The following BCAR3 variants were observed in gnomAD, a reference collection of about 807,000 sequenced individuals.
The protein encoded by BCAR3 is breast cancer anti-estrogen resistance protein 3.
In BCAR3, 37 loss-of-function variants were observed where a neutral mutation model predicts 80.1. The observed-to-expected ratio is 0.46, with a 90% CI of 0.36 to 0.61. The LOEUF (loss-of-function observed/expected upper bound fraction) is 0.61. BCAR3 is among the 20% of genes least tolerant of loss of function. The pLI is 0.00. For missense variants in BCAR3, 978 were observed against 1,068.2 expected, an observed-to-expected ratio of 0.92 and a Z score of 1.18; for synonymous variants, 389 against 418.9, an observed-to-expected ratio of 0.93 and a Z score of 0.87.
At chr1:93,819,579 T>C (rs1314642252) in intron 2 of BCAR3, among the ~76,000 whole-genome samples, 2 of 152,328 alleles carry the variant, frequency 1.3e-5, no homozygotes, top group Non-Finnish European at 2.9e-5. Context: ...GGAACAAACT[T>C]ACTACTTGAA....
intron 2 of BCAR3, among the ~76,000 whole-genome samples, chr1:93,769,102 G>A (rs12410367): frequency 0.085 from 12,975 of 152,122 alleles, 751 homozygotes; most frequent in East Asian, 0.19. Flanking sequence ...TCCCAACCCT[G>A]GGGGAGGAGA....
intron 2 of BCAR3, among the ~76,000 whole-genome samples, chr1:93,768,149 A>G (rs1652219756): frequency 6.6e-6 from 1 of 152,200 alleles, no homozygotes; most frequent in African/African-American, 2.4e-5. Context: ...ATTAGAGTCA[A>G]TGGCCAGAGC....
chr1:93,583,867 C>T (rs984643167), intron 6 of BCAR3, 151 bp downstream of exon 6: 17 of 705,016 alleles, frequency 2.4e-5, no homozygotes, highest in East Asian at 1.3e-4. Flanking sequence ...GCTTCGCCGC[C>T]GGATATAATT....
chr1:93,680,059 C>T (rs1648678269), intron 1 of BCAR3, among the ~76,000 whole-genome samples: 1 of 152,140 alleles, frequency 6.6e-6, no homozygotes, highest in South Asian at 2.1e-4. Context: ...ATTGGCTTAT[C>T]CACTTAAAAT....
chr1:93,672,909 A>G (rs1433530995), intron 2 of BCAR3, among the ~76,000 whole-genome samples: 2 of 152,166 alleles, frequency 1.3e-5, no homozygotes, highest in African/African-American at 2.4e-5. Context: ...CTTTGCACCA[A>G]CACCAACACT....
chr1:93,563,917 C>G (rs1444517297), intron 11 of BCAR3, among the ~76,000 whole-genome samples: 1 of 152,128 alleles, frequency 6.6e-6, no homozygotes, highest in Non-Finnish European at 1.5e-5. Context: ...TGGTCTCGAA[C>G]TTTTGACCTC....
chr1:93,614,528 T>C (rs191871287), intron 3 of BCAR3, among the ~76,000 whole-genome samples: 29 of 152,138 alleles, frequency 1.9e-4, no homozygotes, highest in Middle Eastern at 3.4e-3. Context: ...CCAGGCAGGA[T>C]CCCTGTCCTC....
chr1:93,635,297 T>C (rs1675745199), intron 3 of BCAR3, among the ~76,000 whole-genome samples: 1 of 151,852 alleles, frequency 6.6e-6, no homozygotes, highest in Non-Finnish European at 1.5e-5. Context: ...ACTACTTTTT[T>C]CCAGTTGAAG....
rs138272884 is a variant in BCAR3, at chr1:93,840,468, C to A, written c.-63+5099G>T. ...TCAACTGCTAAACAATTAAGATTCA[C>A]TAAGCTTTAATAGATGGTTATTTGT... is the stretch of plus-strand genomic sequence containing the variant. On this transcript the variant is annotated intron_variant, in intron 2 of 13. Coordinates refer to the BCAR3 transcript ENST00000370244. 5.0e-4 allele frequency among the ~76,000 whole-genome samples: 76 copies of A among 152,348 alleles called. 1 individual carries two copies. The highest frequency in any genetic ancestry group is 1.0e-3 in the Non-Finnish European group (68 of 68,038).
intron 2 of BCAR3, among the ~76,000 whole-genome samples, chr1:93,645,715 G>A (rs1676133898): frequency 6.6e-6 from 1 of 150,474 alleles, no homozygotes; most frequent in Admixed American, 6.6e-5. Context: ...TGCATTTTAT[G>A]ATATGCATAT....
intron 2 of BCAR3, among the ~76,000 whole-genome samples, chr1:93,838,953 A>G (rs924773636): frequency 6.6e-6 from 1 of 152,222 alleles, no homozygotes; most frequent in Non-Finnish European, 1.5e-5. Flanking sequence ...ACACATTCTG[A>G]GTCTAGTTCC....
At chr1:93,654,319 G>A (rs866733576) in intron 2 of BCAR3, among the ~76,000 whole-genome samples, 2 of 152,152 alleles carry the variant, frequency 1.3e-5, no homozygotes, top group East Asian at 1.9e-4. Context: ...GGACCCTGCC[G>A]CTGGTGCAGT....
intron 3 of BCAR3, chr1:93,602,240 A>G (rs1398795606): frequency 6.6e-6 from 1 of 152,048 alleles, no homozygotes; most frequent in Non-Finnish European, 1.5e-5. Flanking sequence ...GGTCTGCACC[A>G]CCACACCCGG....
At chr1:93,634,626 T>C (rs1675721291) in intron 3 of BCAR3, among the ~76,000 whole-genome samples, 1 of 151,330 alleles carries the variant, frequency 6.6e-6, no homozygotes, top group African/African-American at 2.4e-5. Flanking sequence ...ACCGAGGAAG[T>C]GGAGGTTGCA....
chr1:93,753,398 G>A (rs1571098005), intron 2 of BCAR3: 2 of 152,326 alleles, frequency 1.3e-5, no homozygotes, highest in East Asian at 3.9e-4. Flanking sequence ...GCTTAGAGAA[G>A]CCTATCTCTT....
intron 2 of BCAR3, among the ~76,000 whole-genome samples, chr1:93,811,418 C>T (rs1480219067): frequency 6.6e-6 from 1 of 152,166 alleles, no homozygotes; most frequent in Non-Finnish European, 1.5e-5. Flanking sequence ...TCCTTGCTTT[C>T]AAAGACAGAG....
chr1:93,663,566 C>T lies in BCAR3; in HGVS notation c.317+11048G>A, dbSNP rs533497473. ...AGTGGAGCAATACAAAGGGCTATAC[C>T]GTGGATGAGAAATTAGGTCAGTTGC... is the stretch of plus-strand genomic sequence containing the variant. On this transcript the variant is annotated intron_variant, in intron 2 of 11. Transcript: ENST00000260502. 5.9e-5 allele frequency among the ~76,000 whole-genome samples: 9 copies of T among 152,280 alleles called. No homozygotes were observed. In the East Asian group the frequency reaches 1.2e-3, roughly 20 times the overall value.
At chr1:93,747,563 T>G (rs1294149853) in intron 2 of BCAR3, among the ~76,000 whole-genome samples, 3 of 151,652 alleles carry the variant, frequency 2.0e-5, no homozygotes, top group Non-Finnish European at 4.4e-5. Context: ...CCACCACCAC[T>G]ATGTTAGTTT....
At chr1:93,722,050 T>A (rs1430958275) in intron 2 of BCAR3, among the ~76,000 whole-genome samples, 1 of 152,108 alleles carries the variant, frequency 6.6e-6, no homozygotes. Flanking sequence ...CCTGAGTGCA[T>A]AGGGAGACAA....
Sources: gnomAD v4.1 joint callset for allele counts (sites outside exome capture counted in the v4.1 genomes callset) on GRCh38, gnomAD v4.1.1 for gene constraint, MANE v1.5 for transcripts, NCBI Gene and HGNC (gene_info 2026-07-23, HGNC 2026-07-21) for gene names.